Variants in KANK4 observed in about 807,000 individuals in gnomAD.
The protein encoded by KANK4 is KN motif and ankyrin repeat domain-containing protein 4.
KANK4 carries 50 observed loss-of-function variants against 80.8 expected under a neutral mutation model. The observed-to-expected ratio is 0.62, with a 90% CI of 0.49 to 0.78. The LOEUF is 0.78. Among genes scored for constraint, KANK4 ranks in the 30% least tolerant of loss-of-function variants. The probability of loss-of-function intolerance (pLI) is 0.00; values close to 1 mark genes in which losing one functional copy is unlikely to be tolerated. For missense variants in KANK4, 1,196 were observed against 1,240.1 expected, an observed-to-expected ratio of 0.96 and a Z score of 0.53; for synonymous variants, 465 against 506.9, an observed-to-expected ratio of 0.92 and a Z score of 1.11.
chr1:62,294,266 C>T (rs545178978), intron 1 of KANK4, among the ~76,000 whole-genome samples: 1 of 152,288 alleles, frequency 6.6e-6, no homozygotes, highest in Non-Finnish European at 1.5e-5. Context: ...GGCTACAGTC[C>T]AGAGGGCTTG....
At chr1:62,292,167 C>T (rs1450313615) in intron 1 of KANK4, among the ~76,000 whole-genome samples, 1 of 152,132 alleles carries the variant, frequency 6.6e-6, no homozygotes, top group Non-Finnish European at 1.5e-5. Flanking sequence ...TTGTGACTAG[C>T]TTCTTTCACT....
At chr1:62,318,967 G>C (rs1312720205) in intron 1 of KANK4, 139 bp downstream of exon 1, 1 of 152,524 alleles carries the variant, frequency 6.6e-6, no homozygotes, top group Non-Finnish European at 1.5e-5. Flanking sequence ...GGGACGCGGC[G>C]CTGGGGACTG....
chr1:62,299,707 A>T (rs1644396169), intron 1 of KANK4, among the ~76,000 whole-genome samples: 1 of 152,164 alleles, frequency 6.6e-6, no homozygotes. Flanking sequence ...CCTCATAAAG[A>T]TGTAGCAGCT....
chr1:62,263,210 AG>A lies in KANK4; in HGVS notation c.2420del (p.Pro807LeufsTer7). 6.2e-7 allele frequency: 1 copy of A among 1,613,952 alleles called. No homozygotes were observed. The highest frequency in any genetic ancestry group is 8.5e-7 in the Non-Finnish European group (1 of 1,179,946). On this transcript the variant is annotated frameshift_variant, in exon 7 of 10. Coordinates refer to ENST00000371153, the MANE Select transcript of KANK4 (RefSeq NM_181712.5). LOFTEE classifies it high-confidence loss of function. ...GCAGTTTCAGGAAGTGTGGGGAGTG[AG>A]GCTGGACCTCGTGGAGGTAGGAGGC... ...VVASYLHEVQ[P>X]HSPHFLKLLV...
intron 1 of KANK4, among the ~76,000 whole-genome samples, chr1:62,317,454 A>G (rs1644551070): frequency 6.6e-6 from 1 of 152,192 alleles, no homozygotes; most frequent in African/African-American, 2.4e-5. Flanking sequence ...CCACACTATG[A>G]TCTAGCCAGG....
chr1:62,278,937 T>C (rs1215980830), intron 2 of KANK4, among the ~76,000 whole-genome samples: 4 of 152,118 alleles, frequency 2.6e-5, no homozygotes, highest in African/African-American at 7.2e-5. Flanking sequence ...ATTTATGACC[T>C]AGAAGGCAAA....
rs1231107487 is a variant in KANK4 at position 62,273,751 on chromosome 1, C to T, written c.1353G>A (p.Glu451=). The change falls in exon 3 of 10, where the codon GAG becomes GAA. Residue 451 remains glutamate, a synonymous_variant. Transcript: ENST00000371153. ...ESESWGHRGE[E]NGLLWGPDGH... The stretch of plus-strand genomic sequence containing the variant: ...CATCTGGCCCCCATAGGAGGCCATT[C>T]TCCTCTCCTCGGTGCCCCCAGCTTT... 1 of 1,614,132 alleles carries T rather than the reference C, an allele frequency of 6.2e-7. No individual in the cohort carries two copies. The highest frequency in any genetic ancestry group is 8.5e-7 in the Non-Finnish European group (1 of 1,180,016).
In KANK4 at chr1:62,283,560, C is replaced by A. The variant is rs367983810; in HGVS notation, c.-70-1926G>T. On this transcript the variant is annotated intron_variant, in intron 1 of 9. Transcript: ENST00000371153. Reference sequence around the variant, plus strand: ...ACACTATGACTGATCTTTAATTCCCCCTGTGAGGGGAAATGCTTCTGACTG... The same window carrying A: ...ACACTATGACTGATCTTTAATTCCCACTGTGAGGGGAAATGCTTCTGACTG... 4.1e-4 allele frequency among the ~76,000 whole-genome samples: 63 copies of A among 152,268 alleles called. No individual in the cohort carries two copies. In the East Asian group the frequency reaches 8.9e-3, roughly 21 times the overall value.
chr1:62,312,646 G>A (rs1423964043), intron 1 of KANK4, among the ~76,000 whole-genome samples: 2 of 152,204 alleles, frequency 1.3e-5, no homozygotes, highest in Non-Finnish European at 2.9e-5. Context: ...GCCCAAGGAG[G>A]ACCCCTGCCA....
At chr1:62,249,057 C>T (rs1379286402) in intron 8 of KANK4, among the ~76,000 whole-genome samples, 30 of 146,766 alleles carry the variant, frequency 2.0e-4, no homozygotes, top group Admixed American at 1.5e-3. Context: ...GCCTGCTATT[C>T]GGGAGGCTGA....
chr1:62,300,704 T>A (rs1021353542), intron 1 of KANK4, among the ~76,000 whole-genome samples: 6 of 151,994 alleles, frequency 3.9e-5, no homozygotes, highest in Non-Finnish European at 8.8e-5. Flanking sequence ...TAGGAAACCA[T>A]CAAAAGTTCT....
chr1:62,273,198 A>G lies in KANK4; in HGVS notation c.1900+6T>C. Reference sequence around the variant, plus strand: ...TGTCTCAGGCCCCTATATTGATGGTATTTACCCACTGGCGGGGAGGAGGAG... The same window carrying G: ...TGTCTCAGGCCCCTATATTGATGGTGTTTACCCACTGGCGGGGAGGAGGAG... On this transcript the variant is annotated splice_donor_region_variant and intron_variant, in intron 3 of 9. Transcript: ENST00000371153. 6.6e-7 allele frequency: 1 copy of G among 1,507,070 alleles called. No individual in the cohort carries two copies. Among genetic ancestry groups the G allele is most frequent in the Non-Finnish European group, 8.9e-7 (1 of 1,127,064 alleles). The allele number at this position is 1,507,070 out of a possible 1,614,324, so 93.4% of individuals were successfully genotyped here.
chr1:62,265,231 G>C (rs184342635), intron 6 of KANK4, among the ~76,000 whole-genome samples: 1 of 151,236 alleles, frequency 6.6e-6, no homozygotes, highest in East Asian at 2.0e-4. Context: ...ATCACATATT[G>C]GTTCTTTTTT....
intron 5 of KANK4, among the ~76,000 whole-genome samples, chr1:62,267,403 C>T (rs924821858): frequency 1.3e-5 from 2 of 152,164 alleles, no homozygotes; most frequent in African/African-American, 4.8e-5. Context: ...AAGGGCACTG[C>T]TGGGCTCAAA....
intron 1 of KANK4, among the ~76,000 whole-genome samples, chr1:62,310,705 T>A (rs1370001999): frequency 1.3e-5 from 2 of 152,040 alleles, no homozygotes; most frequent in African/African-American, 4.8e-5. Context: ...CTGCTGCTCA[T>A]GTTGGAGAGA....
chr1:62,309,869 A>G lies in KANK4; in HGVS notation c.-71+9237T>C, dbSNP rs180997671. 2.8e-3 allele frequency among the ~76,000 whole-genome samples: 424 copies of G among 152,268 alleles called. 2 individuals are homozygous for G. The highest frequency in any genetic ancestry group is 9.4e-3 in the African/African-American group (391 of 41,566). ...CAAAGCAATGGTTCAAAAGCGGGGA[A>G]TTTCTCTGCCAGTGGGCAGAGCTCT... On this transcript the variant is annotated intron_variant, in intron 1 of 9. Transcript: ENST00000371153.
chr1:62,299,213 A>G (rs1644391736), intron 1 of KANK4, among the ~76,000 whole-genome samples: 1 of 152,106 alleles, frequency 6.6e-6, no homozygotes, highest in Non-Finnish European at 1.5e-5. Flanking sequence ...GCATGCCATG[A>G]TGCCTGGCTA....
Position 62,236,780 on chromosome 1 carries a change from G to A in KANK4, c.*1497C>T, listed in dbSNP as rs2457833. Among the ~76,000 whole-genome samples the A allele has an allele frequency of 7.5e-3, 1,143 of 152,008 alleles. 16 individuals carry two copies. The highest frequency in any genetic ancestry group is 0.026 in the African/African-American group (1,075 of 41,462). ...CCAGCTAATTTTTGTATTTTTGGTA[G>A]AGACGGGGTTTCTCCATGTATGTCA... On this transcript the variant is annotated 3_prime_UTR_variant, in exon 10 of 10. Transcript: ENST00000371153.
At chr1:62,245,701 C>T (rs1359433352) in intron 9 of KANK4, among the ~76,000 whole-genome samples, 1 of 151,992 alleles carries the variant, frequency 6.6e-6, no homozygotes, top group Non-Finnish European at 1.5e-5. Flanking sequence ...AAAGTGGGGT[C>T]GATATCTATC....
Sources: gnomAD v4.1 joint callset for allele counts (sites outside exome capture counted in the v4.1 genomes callset) on GRCh38, gnomAD v4.1.1 for gene constraint, MANE v1.5 for transcripts, NCBI Gene and HGNC (gene_info 2026-07-23, HGNC 2026-07-21) for gene names.